The following DENND5A variants were observed in gnomAD, a reference collection of about 807,000 sequenced individuals.
The protein encoded by DENND5A is DENN domain containing 5A.
Under a neutral mutation model 140.3 loss-of-function variants are expected in DENND5A, and 64 were observed. The ratio of observed to expected loss-of-function variants is 0.46; its 90% CI spans 0.37 to 0.56. DENND5A has a LOEUF of 0.56. Ranked by LOEUF, DENND5A falls within the 20% of genes least tolerant of loss-of-function variation. DENND5A has a pLI of 0.00. For synonymous variants in DENND5A, 605 were observed against 607.7 expected, an observed-to-expected ratio of 1.00 and a Z score of 0.07; for missense variants, 1,292 against 1,593.8, an observed-to-expected ratio of 0.81 and a Z score of 3.22.
chr11:9,224,795 T>C (rs1850463419), intron 1 of DENND5A, among the ~76,000 whole-genome samples: 1 of 150,774 alleles, frequency 6.6e-6, no homozygotes, highest in Non-Finnish European at 1.5e-5. Flanking sequence ...GAGGCAGAGG[T>C]TGCAGTGAGC....
At position 9,139,367 on chromosome 11, in the gene DENND5A, A is replaced by G; in HGVS notation, c.*304T>C. ...GTCCCGCACGCAGTGCCACAGGCTC[A>G]GTCCAGGGAGGCCTCAGGCTTCCAG... On this transcript the variant is annotated 3_prime_UTR_variant, in exon 23 of 23. Coordinates refer to ENST00000328194, the MANE Select transcript of DENND5A (RefSeq NM_015213.4). 2.8e-6 allele frequency: 1 copy of G among 354,562 alleles called. No homozygotes were observed. The allele number at this position is 354,562 out of a possible 1,614,324, so 22.0% of individuals were successfully genotyped here. A position where few individuals can be genotyped will look rare whatever the true frequency, so the allele number is the denominator to read the frequency against.
chr11:9,233,533 G>A lies in DENND5A; in HGVS notation c.110-25901C>T, dbSNP rs557506874. On this transcript the variant is annotated intron_variant, in intron 1 of 22. Coordinates refer to ENST00000328194, the MANE Select transcript of DENND5A (RefSeq NM_015213.4). ...TGAATGTTATCTTACTTGGAAAAAGGATCTTACAGATGTAGTCAAAAATAT... is the reference window on the plus strand; with the variant it reads ...TGAATGTTATCTTACTTGGAAAAAGAATCTTACAGATGTAGTCAAAAATAT... 2.6e-5 allele frequency among the ~76,000 whole-genome samples: 4 copies of A among 152,190 alleles called. No homozygotes were observed. The South Asian group carries it at 6.2e-4, about 24-fold the overall frequency.
intron 12 of DENND5A, among the ~76,000 whole-genome samples, chr11:9,159,214 T>C (rs1429776893): frequency 1.3e-5 from 2 of 152,204 alleles, no homozygotes; most frequent in Non-Finnish European, 2.9e-5. Flanking sequence ...TATTCCAATG[T>C]ATTATACCAA....
In DENND5A at chr11:9,206,748, T is replaced by C; in HGVS notation, c.216A>G (p.Thr72=). The C allele has an allele frequency of 6.2e-7, 1 of 1,613,932 alleles. No individual in the cohort carries two copies. The highest frequency in any genetic ancestry group is 8.5e-7 in the Non-Finnish European group (1 of 1,179,890). ...ENFEQTPLRR[T]FKSKVLARYP... ...ATCGTGCAAGGACCTTAGATTTGAA[T>C]GTTCTTCTCAATGGTGTCTGCTCAA... Residue 72 remains threonine (T), a synonymous_variant, in exon 3 of 23, where the codon ACA becomes ACG. Transcript: ENST00000328194.
chr11:9,236,583 T>C (rs1241722782), intron 1 of DENND5A, among the ~76,000 whole-genome samples: 1 of 150,626 alleles, frequency 6.6e-6, no homozygotes, highest in African/African-American at 2.4e-5. Context: ...AAATAGTAAA[T>C]TAAAAATGGA....
chr11:9,232,331 T>C (rs1432670697), intron 1 of DENND5A, among the ~76,000 whole-genome samples: 1 of 151,862 alleles, frequency 6.6e-6, no homozygotes, highest in South Asian at 2.1e-4. Flanking sequence ...TATATATATA[T>C]GAAATGAACA....
At chr11:9,193,849 G>A (rs1849226815) in intron 4 of DENND5A, among the ~76,000 whole-genome samples, 168 bp from the exon 5 acceptor site, 1 of 152,148 alleles carries the variant, frequency 6.6e-6, no homozygotes, top group Non-Finnish European at 1.5e-5. Flanking sequence ...GTGTCCAAGA[G>A]ACAACCAAGA....
chr11:9,179,194 G>A, intron 6 of DENND5A, 121 bp from the exon 7 acceptor site: 1 of 812,596 alleles, frequency 1.2e-6, no homozygotes, highest in Non-Finnish European at 1.9e-6. Context: ...AGCAGGAAAT[G>A]ATGAGAACAA....
At chr11:9,177,839 G>A in intron 8 of DENND5A, 1 of 263,418 alleles carries the variant, frequency 3.8e-6, no homozygotes, top group Non-Finnish European at 7.2e-6. Flanking sequence ...GCCAACCCCA[G>A]CAACCACCAA....
At chr11:9,197,318 A>G (rs1164921785) in intron 4 of DENND5A, among the ~76,000 whole-genome samples, 1 of 148,526 alleles carries the variant, frequency 6.7e-6, no homozygotes, top group Non-Finnish European at 1.5e-5. Context: ...AAAAATATAT[A>G]TATATAGTGT....
rs1848353696 is a variant in DENND5A at position 9,170,958 on chromosome 11, A to C, written c.1907-181T>G. 15 of 1,087,382 alleles carry C rather than the reference A, an allele frequency of 1.4e-5. No homozygotes were observed. In the South Asian group the frequency reaches 2.2e-4, roughly 16 times the overall value. 67.4% of individuals were successfully genotyped at this position (1,087,382 alleles called of 1,614,324 possible). ...CCATGCAAAATAATATAAAATGATAAACTTCAGAATACTGGACATCAGGCA... is the reference window on the plus strand; with the variant it reads ...CCATGCAAAATAATATAAAATGATACACTTCAGAATACTGGACATCAGGCA... On this transcript the variant is annotated intron_variant, in intron 8 of 22. Coordinates refer to ENST00000328194, the MANE Select transcript of DENND5A (RefSeq NM_015213.4).
At position 9,163,256 on chromosome 11, in the gene DENND5A, C is replaced by G. The variant is rs558717117; in HGVS notation, c.2284-2391G>C. Among the ~76,000 whole-genome samples, 43 of 152,196 alleles carry G rather than the reference C, an allele frequency of 2.8e-4. 1 individual carries two copies. The South Asian group carries it at 8.7e-3, about 31-fold the overall frequency. Reference sequence around the variant, plus strand: ...CCAAAAGTTTCTCTAGGGAATATACCTAGGAGAAGAATTACTAAACAATAC... The same window carrying G: ...CCAAAAGTTTCTCTAGGGAATATACGTAGGAGAAGAATTACTAAACAATAC... On this transcript the variant is annotated intron_variant, in intron 11 of 22. Coordinates refer to ENST00000328194, the MANE Select transcript of DENND5A (RefSeq NM_015213.4).
intron 20 of DENND5A, 150 bp downstream of exon 20, chr11:9,143,253 C>T: frequency 1.3e-6 from 1 of 759,446 alleles, no homozygotes; most frequent in South Asian, 1.6e-5. Flanking sequence ...GAGTCTGCTC[C>T]ATCTCCAACT....
In DENND5A at chr11:9,144,204, A is replaced by G; in HGVS notation, c.3197T>C (p.Leu1066Pro). ...CTCATCCACCTCAGGCTGGGATGTG[A>G]GCAGCTCCCCAACTAGGATCCGCTC... ...SLERILVGEL[L>P]TSQPEVDERP... Residue 1066 changes from leucine to proline, a missense_variant, in exon 19 of 23, where the codon CTC becomes CCC. Transcript: ENST00000328194. The G allele has an allele frequency of 6.2e-7, 1 of 1,614,112 alleles. No individual in the cohort carries two copies. The highest frequency in any genetic ancestry group is 8.5e-7 in the Non-Finnish European group (1 of 1,180,010).
rs553426573 is a variant in DENND5A at position 9,153,382 on chromosome 11, C to T, written c.2437-940G>A. On this transcript the variant is annotated intron_variant, in intron 12 of 22. Coordinates refer to ENST00000328194, the MANE Select transcript of DENND5A (RefSeq NM_015213.4). The stretch of plus-strand genomic sequence containing the variant: ...AAAAAAAAAAAAAAGAAGCAAATGA[C>T]CTATCATCCTCTAAATGGTCTGCTG... 7.5e-5 allele frequency among the ~76,000 whole-genome samples: 11 copies of T among 145,940 alleles called. No homozygotes were observed. In the South Asian group the frequency reaches 2.4e-3, roughly 32 times the overall value.
At position 9,144,984 on chromosome 11, in the gene DENND5A, GGT is replaced by G. The variant is rs1021305263; in HGVS notation, c.3122+9_3122+10del. 6.9e-6 allele frequency: 11 copies of G among 1,583,248 alleles called. No individual in the cohort carries two copies. Among genetic ancestry groups the G allele is most frequent in the Non-Finnish European group, 9.5e-6 (11 of 1,152,046 alleles). Reference sequence around the variant, plus strand: ...TTGCCCCTCTACCTTACAGCCTGAGGGTATACTTACTTGTAGGTATGTCCTGT... The same window carrying G: ...TTGCCCCTCTACCTTACAGCCTGAGGATACTTACTTGTAGGTATGTCCTGT... On this transcript the variant is annotated intron_variant, in intron 18 of 22. Transcript: ENST00000328194.
At chr11:9,191,404 A>T (rs1276885955) in intron 5 of DENND5A, among the ~76,000 whole-genome samples, 2 of 151,942 alleles carry the variant, frequency 1.3e-5, no homozygotes, top group Non-Finnish European at 2.9e-5. Context: ...TGCCCAGCTA[A>T]TTTTTTTGTA....
At chr11:9,255,909 C>T (rs1208397981) in intron 1 of DENND5A, among the ~76,000 whole-genome samples, 3 of 151,398 alleles carry the variant, frequency 2.0e-5, no homozygotes, top group African/African-American at 7.3e-5. Context: ...ACCTGTAATC[C>T]CAGCTACTCA....
At chr11:9,213,516 C>T (rs1395748771) in intron 1 of DENND5A, among the ~76,000 whole-genome samples, 1 of 151,130 alleles carries the variant, frequency 6.6e-6, no homozygotes, top group Admixed American at 6.6e-5. Flanking sequence ...GCATTCAAAA[C>T]TATACTGTGG....
Sources: gnomAD v4.1 joint callset for allele counts (sites outside exome capture counted in the v4.1 genomes callset) on GRCh38, gnomAD v4.1.1 for gene constraint, MANE v1.5 for transcripts, NCBI Gene and HGNC (gene_info 2026-07-23, HGNC 2026-07-21) for gene names.